Variants in DCC observed in about 807,000 individuals in gnomAD.
DCC encodes netrin receptor DCC.
A neutral mutation model predicts 172.5 loss-of-function variants in DCC; 58 were observed. That is an observed-to-expected ratio of 0.34 (90% CI 0.27 to 0.42). The LOEUF (loss-of-function observed/expected upper bound fraction) is 0.42, where lower values mean the gene tolerates loss of function less well. Among genes scored for constraint, DCC ranks in the 10% least tolerant of loss-of-function variants. The pLI is 1.00. For synonymous variants in DCC, 709 were observed against 644.5 expected (o/e 1.10, Z -1.52); for missense variants, 1,740 against 1,791.0 (o/e 0.97, Z 0.51).
intron 1 of DCC, among the ~76,000 whole-genome samples, chr18:52,511,752 T>G (rs1031062): frequency 0.13 from 20,035 of 152,216 alleles, 1,432 homozygotes; most frequent in South Asian, 0.22. Flanking sequence ...ACAAATAGAC[T>G]GAAGCTCACA....
At chr18:52,566,737 T>C (rs2033169749) in intron 1 of DCC, among the ~76,000 whole-genome samples, 1 of 152,066 alleles carries the variant, frequency 6.6e-6, no homozygotes, top group Non-Finnish European at 1.5e-5. Flanking sequence ...AAAAAATGAC[T>C]TCAGACTCTT....
At chr18:52,927,087 ACG>A (rs2040221288) in intron 5 of DCC, among the ~76,000 whole-genome samples, 1 of 93,708 alleles carries the variant, frequency 1.1e-5, no homozygotes, top group South Asian at 3.1e-4. Flanking sequence ...GTGTATATAC[ACG>A]TATATACGTG....
At chr18:52,371,007 T>C (rs986401357) in intron 1 of DCC, among the ~76,000 whole-genome samples, 10 of 152,142 alleles carry the variant, frequency 6.6e-5, no homozygotes, top group Non-Finnish European at 4.4e-5. Context: ...AAGCGGGAGT[T>C]CAGAAATCAA....
chr18:52,388,811 G>A (rs919002505), intron 1 of DCC, among the ~76,000 whole-genome samples: 3 of 152,118 alleles, frequency 2.0e-5, no homozygotes. Context: ...GTCAGGTCAA[G>A]CTGTGTGTTA....
intron 12 of DCC, among the ~76,000 whole-genome samples, chr18:53,262,617 C>A (rs919809814): frequency 6.6e-6 from 1 of 152,188 alleles, no homozygotes; most frequent in South Asian, 2.1e-4. Context: ...TATGTGTTCT[C>A]CTTCTGTTTA....
At chr18:53,425,849 A>T (rs1232876137) in intron 21 of DCC, among the ~76,000 whole-genome samples, 2 of 152,142 alleles carry the variant, frequency 1.3e-5, no homozygotes, top group Non-Finnish European at 2.9e-5. Flanking sequence ...TGCCATATTT[A>T]TTGGAACAGT....
intron 12 of DCC, among the ~76,000 whole-genome samples, chr18:53,301,986 T>C (rs1355204029): frequency 1.3e-5 from 2 of 152,204 alleles, no homozygotes; most frequent in Non-Finnish European, 2.9e-5. Context: ...CCAAGATCAA[T>C]GTGTTGGCAG....
chr18:53,503,282 G>GAAAACAGATTCATTTCCTCAATTTT (rs1232280643), intron 27 of DCC, among the ~76,000 whole-genome samples: 4 of 152,178 alleles, frequency 2.6e-5, no homozygotes, highest in Non-Finnish European at 5.9e-5. Flanking sequence ...CTGCTTACCT[G>GAAAACAGATTCATTTCCTCAATTTT]AAAACAGATT....
intron 21 of DCC, among the ~76,000 whole-genome samples, chr18:53,431,018 T>G (rs1291607074): frequency 6.6e-6 from 1 of 152,094 alleles, no homozygotes; most frequent in Non-Finnish European, 1.5e-5. Flanking sequence ...TTTATGACAT[T>G]TTAAAAATTC....
chr18:52,785,169 C>T (rs2145194202), intron 2 of DCC, among the ~76,000 whole-genome samples: 1 of 152,116 alleles, frequency 6.6e-6, no homozygotes, highest in East Asian at 1.9e-4. Context: ...TGTTGATTGA[C>T]ACCAGTAAGA....
chr18:52,423,245 T>C (rs1212055744), intron 1 of DCC, among the ~76,000 whole-genome samples: 1 of 152,150 alleles, frequency 6.6e-6, no homozygotes, highest in Non-Finnish European at 1.5e-5. Flanking sequence ...TGCAGGGCAC[T>C]ATCGGCTGTA....
At chr18:52,875,354 G>A (rs2039388403) in intron 2 of DCC, among the ~76,000 whole-genome samples, 1 of 151,912 alleles carries the variant, frequency 6.6e-6, no homozygotes, top group African/African-American at 2.4e-5. Flanking sequence ...CCATCAAACA[G>A]CACTAAATGT....
intron 1 of DCC, among the ~76,000 whole-genome samples, chr18:52,358,238 C>G (rs1984465009): frequency 6.6e-6 from 1 of 152,162 alleles, no homozygotes; most frequent in South Asian, 2.1e-4. Context: ...CTAGGTGATT[C>G]TTATACACAC....
intron 12 of DCC, among the ~76,000 whole-genome samples, chr18:53,264,892 G>A (rs749862000): frequency 1.3e-5 from 2 of 152,080 alleles, no homozygotes; most frequent in Non-Finnish European, 2.9e-5. Context: ...AGATTCTTGA[G>A]AAACACTGTG....
At chr18:53,064,202 G>A (rs1008251052) in intron 6 of DCC, among the ~76,000 whole-genome samples, 1 of 152,122 alleles carries the variant, frequency 6.6e-6, no homozygotes, top group Non-Finnish European at 1.5e-5. Flanking sequence ...CACATGGAGT[G>A]CTCAATACCT....
At chr18:52,592,686 T>C (rs2033825219) in intron 1 of DCC, among the ~76,000 whole-genome samples, 1 of 152,134 alleles carries the variant, frequency 6.6e-6, no homozygotes, top group Non-Finnish European at 1.5e-5. Context: ...CAGGCTGGAG[T>C]GCAGTGGCAC....
chr18:52,344,373 C>G (rs1447628903), intron 1 of DCC, among the ~76,000 whole-genome samples: 7 of 152,110 alleles, frequency 4.6e-5, no homozygotes, highest in Admixed American at 3.9e-4. Context: ...GATATTTTTA[C>G]TTGTTTTTAG....
intron 5 of DCC, among the ~76,000 whole-genome samples, chr18:52,957,730 AG>A (rs1299520587): frequency 1.3e-5 from 2 of 152,150 alleles, no homozygotes; most frequent in Admixed American, 6.5e-5. Context: ...GCAAGAACAA[AG>A]GCCAGGAGGT....
At chr18:53,004,568 G>A (rs2041616661) in intron 5 of DCC, among the ~76,000 whole-genome samples, 1 of 152,154 alleles carries the variant, frequency 6.6e-6, no homozygotes, top group Non-Finnish European at 1.5e-5. Flanking sequence ...AGACCCCAGT[G>A]TACTCCCCAC....
Sources: gnomAD v4.1 joint callset for allele counts (sites outside exome capture counted in the v4.1 genomes callset) on GRCh38, gnomAD v4.1.1 for gene constraint, MANE v1.5 for transcripts, NCBI Gene and HGNC (gene_info 2026-07-23, HGNC 2026-07-21) for gene names.